The following PCCA variants were observed in gnomAD, a reference collection of about 807,000 sequenced individuals.
PCCA encodes propionyl-CoA carboxylase subunit alpha.
PCCA carries 74 observed loss-of-function variants against 101.3 expected under a neutral mutation model. The observed-to-expected ratio is 0.73, with a 90% CI of 0.61 to 0.89. PCCA has a LOEUF of 0.89. Ranked by LOEUF, PCCA falls within the 40% of genes least tolerant of loss-of-function variation. The pLI is 0.00. For missense variants in PCCA, 891 were observed against 907.0 expected (o/e 0.98, Z 0.23); for synonymous variants, 294 against 313.6 (o/e 0.94, Z 0.66).
intron 21 of PCCA, among the ~76,000 whole-genome samples, chr13:100,471,428 G>T (rs1005377827): frequency 1.3e-5 from 2 of 152,234 alleles, no homozygotes; most frequent in Non-Finnish European, 2.9e-5. Context: ...CAGATGTGAA[G>T]TAAGCACATG....
intron 16 of PCCA, among the ~76,000 whole-genome samples, chr13:100,321,887 G>T (rs999971772): frequency 6.6e-6 from 1 of 151,970 alleles, no homozygotes; most frequent in Non-Finnish European, 1.5e-5. Flanking sequence ...TGTGGATATG[G>T]TCTAGTATAA....
chr13:100,148,147 G>C lies in PCCA; in HGVS notation c.301-6832G>C, dbSNP rs943230307. On this transcript the variant is annotated intron_variant, in intron 4 of 23. Transcript: ENST00000376285. ...CTCACTCTGTTAGCCAGGATGGAGT[G>C]CAGTGGTGGAATCACAGCTCACTGC... Among the ~76,000 whole-genome samples, 60 of 151,992 alleles carry C rather than the reference G, an allele frequency of 3.9e-4. 3 individuals carry two copies.
intron 23 of PCCA, among the ~76,000 whole-genome samples, chr13:100,529,747 C>CT (rs919522983): frequency 2.0e-5 from 3 of 152,244 alleles, no homozygotes; most frequent in East Asian, 3.9e-4. Context: ...GAGAGGGAGG[C>CT]TAGGGGTTAG....
chr13:100,280,303 G>GC (rs2063990136), intron 12 of PCCA, among the ~76,000 whole-genome samples: 1 of 30,566 alleles, frequency 3.3e-5, no homozygotes, highest in South Asian at 3.2e-3. Context: ...CACAACACAA[G>GC]CTTTTTTTTT....
chr13:100,200,260 C>G (rs566278832), intron 6 of PCCA, among the ~76,000 whole-genome samples: 1 of 152,260 alleles, frequency 6.6e-6, no homozygotes, highest in South Asian at 2.1e-4. Flanking sequence ...GCCACCATGC[C>G]TGGCTAATTT....
At chr13:100,398,543 C>T (rs17569833) in intron 19 of PCCA, among the ~76,000 whole-genome samples, 4,247 of 152,144 alleles carry the variant, frequency 0.028, 95 homozygotes, top group Non-Finnish European at 0.042. Flanking sequence ...TGAATTGTTC[C>T]GCTATTTGGC....
intron 21 of PCCA, among the ~76,000 whole-genome samples, chr13:100,484,762 C>T (rs1339103193): frequency 2.0e-5 from 3 of 152,130 alleles, no homozygotes; most frequent in Admixed American, 2.0e-4. Flanking sequence ...AACTCAACAG[C>T]ATTTAGGGTC....
At chr13:100,244,412 G>A (rs1045775970) in intron 8 of PCCA, among the ~76,000 whole-genome samples, 9 of 152,010 alleles carry the variant, frequency 5.9e-5, no homozygotes, top group Non-Finnish European at 1.0e-4. Context: ...AATTTCACAA[G>A]TTCTTTTTCT....
intron 1 of PCCA, among the ~76,000 whole-genome samples, chr13:100,091,064 G>A (rs2043347): frequency 0.07 from 10,602 of 152,264 alleles, 524 homozygotes; most frequent in Non-Finnish European, 0.11. Flanking sequence ...CAGGTTAGAA[G>A]AACTGAAAAA....
chr13:100,241,128 G>A (rs943378312), intron 8 of PCCA, among the ~76,000 whole-genome samples: 9 of 152,216 alleles, frequency 5.9e-5, no homozygotes, highest in Middle Eastern at 3.4e-3. Flanking sequence ...GCCTTTCAAA[G>A]TGCACAATTC....
intron 4 of PCCA, among the ~76,000 whole-genome samples, chr13:100,139,380 T>G (rs2051587851): frequency 6.6e-6 from 1 of 152,028 alleles, no homozygotes; most frequent in Admixed American, 6.5e-5. Flanking sequence ...ATGTTAGACC[T>G]TTAAGTATTG....
At chr13:100,298,295 T>C (rs117682448) in intron 12 of PCCA, among the ~76,000 whole-genome samples, 3,865 of 152,260 alleles carry the variant, frequency 0.025, 68 homozygotes, top group South Asian at 0.065. Context: ...GAGGAAGTGC[T>C]GCGCAAGGCC....
intron 12 of PCCA, among the ~76,000 whole-genome samples, chr13:100,277,159 G>A (rs1331509345): frequency 2.0e-5 from 3 of 152,082 alleles, no homozygotes; most frequent in African/African-American, 7.2e-5. Flanking sequence ...AGAATGGTTG[G>A]TTTTATTCCA....
At chr13:100,453,050 G>T (rs1381013075) in intron 21 of PCCA, among the ~76,000 whole-genome samples, 2 of 151,660 alleles carry the variant, frequency 1.3e-5, no homozygotes, top group East Asian at 3.9e-4. Flanking sequence ...CAAAAAATTA[G>T]CTGGGTGTGG....
rs143536492 is a variant in PCCA, at chr13:100,524,374, C to CATGTGTGTGTGTGT, written c.2041-3301_2041-3300insATGTGTGTGTGTGT. 2.2e-5 allele frequency among the ~76,000 whole-genome samples: 3 copies of CATGTGTGTGTGTGT among 139,082 alleles called. No individual in the cohort carries two copies. The East Asian group carries it at 6.5e-4, about 30-fold the overall frequency. 91.2% of individuals were successfully genotyped at this position (139,082 alleles called of 152,430 possible). A position where few individuals can be genotyped will look rare whatever the true frequency, so the allele number is the denominator to read the frequency against. ...AAACATGTTGAAATTCAATTAAGCTCGTGTGTGTGTGTGTGTGTGTGTGTG... is the reference window on the plus strand; with the variant it reads ...AAACATGTTGAAATTCAATTAAGCTCATGTGTGTGTGTGTGTGTGTGTGTGTGTGTGTGTGTGTG... On this transcript the variant is annotated intron_variant, in intron 22 of 23. Coordinates refer to ENST00000376285, the MANE Select transcript of PCCA (RefSeq NM_000282.4).
At chr13:100,514,267 G>A (rs1026094622) in intron 21 of PCCA, among the ~76,000 whole-genome samples, 1 of 152,178 alleles carries the variant, frequency 6.6e-6, no homozygotes, top group African/African-American at 2.4e-5. Flanking sequence ...AATCCACTTG[G>A]AACTTAGGCC....
chr13:100,412,405 T>C (rs772142738), intron 19 of PCCA, among the ~76,000 whole-genome samples: 3 of 152,334 alleles, frequency 2.0e-5, no homozygotes, highest in Non-Finnish European at 4.4e-5. Context: ...CCGTGTACTA[T>C]TGCTATAACT....
chr13:100,166,164 C>T (rs977314627), intron 6 of PCCA, among the ~76,000 whole-genome samples: 4 of 152,076 alleles, frequency 2.6e-5, no homozygotes, highest in African/African-American at 9.7e-5. Context: ...AACTACTGAT[C>T]TGTTTTCTTA....
intron 21 of PCCA, among the ~76,000 whole-genome samples, chr13:100,489,562 T>TA (rs2084726175): frequency 6.6e-6 from 1 of 152,248 alleles, no homozygotes; most frequent in African/African-American, 2.4e-5. Context: ...GAACAGCTAA[T>TA]ATAGGTGTGT....
Sources: allele counts gnomAD v4.1 joint callset (sites outside exome capture counted in the v4.1 genomes callset), GRCh38; gene constraint gnomAD v4.1.1; transcripts MANE v1.5; gene names NCBI Gene and HGNC (gene_info 2026-07-23, HGNC 2026-07-21).